The following SYNPR variants were observed in gnomAD, a reference collection of about 807,000 sequenced individuals.
The protein encoded by SYNPR is synaptoporin.
Under a neutral mutation model 32.9 loss-of-function variants are expected in SYNPR, and 23 were observed. That is an observed-to-expected ratio of 0.70 (90% confidence interval 0.50 to 0.99). The LOEUF (loss-of-function observed/expected upper bound fraction) is 0.99. Among genes scored for constraint, SYNPR ranks in the 50% least tolerant of loss-of-function variants. The pLI, the probability that SYNPR is intolerant of heterozygous loss-of-function variation, is 0.00. For missense variants in SYNPR, 318 were observed against 349.3 expected (o/e 0.91, Z 0.71); for synonymous variants, 146 against 135.9 (o/e 1.07, Z -0.52).
At chr3:63,331,585 C>G (rs142843251) in intron 2 of SYNPR, among the ~76,000 whole-genome samples, 30 of 152,270 alleles carry the variant, frequency 2.0e-4, no homozygotes, top group African/African-American at 7.0e-4. Context: ...CAAGACCACT[C>G]TGAAAGGCCA....
chr3:63,501,132 T>G (rs567936764), intron 3 of SYNPR, among the ~76,000 whole-genome samples: 89 of 152,210 alleles, frequency 5.8e-4, no homozygotes, highest in Middle Eastern at 6.8e-3. Flanking sequence ...CATACCAGTA[T>G]TAGGGGTCTA....
chr3:63,242,849 A>G (rs187173825), intron 1 of SYNPR, among the ~76,000 whole-genome samples: 2 of 152,258 alleles, frequency 1.3e-5, no homozygotes, highest in African/African-American at 4.8e-5. Context: ...AAAAGATAAA[A>G]CAAGCACAAA....
intron 2 of SYNPR, among the ~76,000 whole-genome samples, chr3:63,419,988 T>C (rs2088586930): frequency 6.6e-6 from 1 of 152,228 alleles, no homozygotes; most frequent in Non-Finnish European, 1.5e-5. Flanking sequence ...TCAGACCTTA[T>C]CTACCTAGTA....
chr3:63,348,693 A>G (rs1376426171), intron 2 of SYNPR, among the ~76,000 whole-genome samples: 2 of 152,086 alleles, frequency 1.3e-5, no homozygotes, highest in Non-Finnish European at 2.9e-5. Context: ...TCCATCTTCA[A>G]TTCGTTTTTT....
intron 2 of SYNPR, among the ~76,000 whole-genome samples, chr3:63,425,235 A>C (rs956958160): frequency 3.9e-5 from 6 of 152,218 alleles, no homozygotes; most frequent in African/African-American, 1.4e-4. Context: ...GCAAATATTC[A>C]TGTGCAAAGA....
chr3:63,476,269 AAGGG>A (rs1215981979), intron 2 of SYNPR, among the ~76,000 whole-genome samples: 2 of 75,928 alleles, frequency 2.6e-5, no homozygotes, highest in Admixed American at 1.5e-4. Flanking sequence ...GGAAGGAAGG[AAGGG>A]AGGGAGGGAA....
Position 63,339,259 on chromosome 3 carries a change from G to A in SYNPR, c.84+60517G>A, listed in dbSNP as rs116155262. Among the ~76,000 whole-genome samples, 383 of 152,298 alleles carry A rather than the reference G, an allele frequency of 2.5e-3. 3 individuals carry two copies. Among genetic ancestry groups the A allele is most frequent in the African/African-American group, 8.6e-3 (357 of 41,552 alleles). On this transcript the variant is annotated intron_variant, in intron 2 of 5. Coordinates refer to ENST00000478300, the MANE Select transcript of SYNPR (RefSeq NM_001130003.2). Reference sequence around the variant, plus strand: ...CCCAGGCACAAGTAGTAAACAAAGAGAGGCAACATCTCTGCTCACATGGTA... The same window carrying A: ...CCCAGGCACAAGTAGTAAACAAAGAAAGGCAACATCTCTGCTCACATGGTA...
chr3:63,327,548 A>G (rs2087180897), intron 2 of SYNPR, among the ~76,000 whole-genome samples: 1 of 152,182 alleles, frequency 6.6e-6, no homozygotes, highest in Admixed American at 6.5e-5. Context: ...ACAAATGCTT[A>G]TCAGTAGCAT....
intron 2 of SYNPR, among the ~76,000 whole-genome samples, chr3:63,286,001 A>T (rs2086676817): frequency 6.6e-6 from 1 of 152,224 alleles, no homozygotes; most frequent in Non-Finnish European, 1.5e-5. Flanking sequence ...TCAAAGGATA[A>T]TTTAGGAAAT....
intron 2 of SYNPR, among the ~76,000 whole-genome samples, chr3:63,261,883 G>C (rs575765182): frequency 6.2e-4 from 94 of 151,586 alleles, no homozygotes; most frequent in African/African-American, 1.7e-3. Context: ...GTCGTGGGGT[G>C]GGGGGAGAGT....
intron 2 of SYNPR, among the ~76,000 whole-genome samples, chr3:63,344,630 T>C (rs944052254): frequency 1.3e-4 from 19 of 147,608 alleles, no homozygotes; most frequent in African/African-American, 4.3e-4. Flanking sequence ...TGCAATAACC[T>C]GGGATTTGTG....
rs1023504572 is a variant in SYNPR at position 63,321,976 on chromosome 3, C to T, written c.84+43234C>T. ...TTACAAGTTTGAAATTGTAACTGTT[C>T]CTCTTGGGTGTTTACCACTCTTCTG... On this transcript the variant is annotated intron_variant, in intron 2 of 5. Coordinates refer to ENST00000478300, the MANE Select transcript of SYNPR (RefSeq NM_001130003.2). 2.6e-5 allele frequency among the ~76,000 whole-genome samples: 4 copies of T among 152,122 alleles called. No individual in the cohort carries two copies. The South Asian group carries it at 8.3e-4, about 32-fold the overall frequency.
intron 2 of SYNPR, among the ~76,000 whole-genome samples, chr3:63,417,071 G>A (rs995102917): frequency 1.3e-5 from 2 of 152,162 alleles, no homozygotes; most frequent in Non-Finnish European, 2.9e-5. Context: ...TCTCATCTGA[G>A]ACAAGGCCAG....
At chr3:63,298,769 G>A (rs575079930) in intron 2 of SYNPR, among the ~76,000 whole-genome samples, 1 of 152,244 alleles carries the variant, frequency 6.6e-6, no homozygotes, top group East Asian at 1.9e-4. Context: ...ACATGAGACA[G>A]GGAATGGAAG....
intron 4 of SYNPR, among the ~76,000 whole-genome samples, chr3:63,589,157 C>A (rs1208632062): frequency 2.0e-5 from 3 of 152,034 alleles, no homozygotes; most frequent in Admixed American, 1.3e-4. Flanking sequence ...CACCGTGAGT[C>A]CTGAGACTGC....
At chr3:63,406,401 A>T (rs1339196444) in intron 2 of SYNPR, among the ~76,000 whole-genome samples, 1 of 152,112 alleles carries the variant, frequency 6.6e-6, no homozygotes, top group Non-Finnish European at 1.5e-5. Flanking sequence ...TTTATTCATC[A>T]CTGTGCCAGG....
chr3:63,514,911 T>C (rs1701767430), intron 3 of SYNPR, among the ~76,000 whole-genome samples: 1 of 152,060 alleles, frequency 6.6e-6, no homozygotes, highest in East Asian at 1.9e-4. Flanking sequence ...AAAACATTTG[T>C]GATGTAAGTT....
At chr3:63,587,262 T>G (rs1156683961) in intron 4 of SYNPR, among the ~76,000 whole-genome samples, 2 of 152,140 alleles carry the variant, frequency 1.3e-5, no homozygotes, top group Non-Finnish European at 2.9e-5. Flanking sequence ...GCTAAAATAT[T>G]CCAGTCTCCA....
intron 3 of SYNPR, among the ~76,000 whole-genome samples, chr3:63,525,207 G>T (rs758137923): frequency 7.9e-5 from 12 of 152,074 alleles, no homozygotes; most frequent in Non-Finnish European, 1.2e-4. Context: ...GTTTTCATGT[G>T]ATCCTAAAAA....
Sources: gnomAD v4.1 joint callset for allele counts (sites outside exome capture counted in the v4.1 genomes callset) on GRCh38, gnomAD v4.1.1 for gene constraint, MANE v1.5 for transcripts, NCBI Gene and HGNC (gene_info 2026-07-23, HGNC 2026-07-21) for gene names.